The following HIC2 variants were observed in gnomAD, a reference collection of about 807,000 sequenced individuals.
HIC2 encodes HIC ZBTB transcriptional repressor 2.
A neutral mutation model predicts 39.5 loss-of-function variants in HIC2; 2 were observed. That is an observed-to-expected ratio of 0.05 (90% confidence interval 0.02 to 0.16). HIC2 has a LOEUF of 0.16. Among genes scored for constraint, HIC2 ranks in the 10% least tolerant of loss-of-function variants. The probability of loss-of-function intolerance (pLI) is 1.00; values close to 1 mark genes in which losing one functional copy is unlikely to be tolerated. For synonymous variants in HIC2, 399 were observed against 368.8 expected (o/e 1.08, Z -0.94); for missense variants, 713 against 863.5 (o/e 0.83, Z 2.18).
Position 21,447,041 on chromosome 22 carries a change from C to T in HIC2, c.*298C>T, listed in dbSNP as rs1476693390. ...TGGGTCACGTGGGTCTCGCTGGGACCTGGTCCCTTTGTTGCAGGCGGCTTG... is the reference window on the plus strand; with the variant it reads ...TGGGTCACGTGGGTCTCGCTGGGACTTGGTCCCTTTGTTGCAGGCGGCTTG... On this transcript the variant is annotated 3_prime_UTR_variant, in exon 3 of 3. Coordinates refer to ENST00000407464, the MANE Select transcript of HIC2 (RefSeq NM_015094.3). 10 of 412,710 alleles carry T rather than the reference C, an allele frequency of 2.4e-5. No homozygotes were observed. The East Asian group carries it at 3.7e-4, about 15-fold the overall frequency. 25.6% of individuals were successfully genotyped at this position (412,710 alleles called of 1,614,324 possible). A position where few individuals can be genotyped will look rare whatever the true frequency, so the allele number is the denominator to read the frequency against.
intron 2 of HIC2, among the ~76,000 whole-genome samples, chr22:21,443,866 C>T (rs1923654830): frequency 6.6e-6 from 1 of 152,164 alleles, no homozygotes; most frequent in Non-Finnish European, 1.5e-5. Context: ...ATTCTTTATA[C>T]CGCCGGCCAC....
chr22:21,444,854 C>A (rs62237326), intron 2 of HIC2, 68 bp from the exon 3 acceptor site: 1 of 1,537,498 alleles, frequency 6.5e-7, no homozygotes, highest in Non-Finnish European at 8.8e-7. Flanking sequence ...TCGAGCCCCA[C>A]CCTGCCCCAG....
Position 21,445,835 on chromosome 22 carries a change from A to G in HIC2, c.940A>G (p.Asn314Asp), listed in dbSNP as rs771268354. Residue 314 changes from asparagine (N) to aspartate (D), a missense_variant, in exon 3 of 3, where the codon AAC becomes GAC. Around this residue, in one of 5 missense-constraint regions of HIC2, gnomAD observed 457 missense variants for 420.2 expected, o/e 1.09. Coordinates refer to ENST00000407464, the MANE Select transcript of HIC2 (RefSeq NM_015094.3). ...CATGGATCTGGAGGGGGCCGAGGAC[A>G]ACCACCTGAGCCTGCTGGAGGCGCC... ...EPMDLEGAEDNHLSLLEAPGG... is the reference protein window; with the variant it reads ...EPMDLEGAEDDHLSLLEAPGG... 1.3e-6 allele frequency: 2 copies of G among 1,587,090 alleles called. No homozygotes were observed. Among genetic ancestry groups the G allele is most frequent in the East Asian group, 2.3e-5 (1 of 44,396 alleles).
intron 1 of HIC2, among the ~76,000 whole-genome samples, chr22:21,426,491 G>C (rs1923260452): frequency 6.7e-6 from 1 of 149,944 alleles, no homozygotes; most frequent in African/African-American, 2.4e-5. Flanking sequence ...TTTTTTTTTT[G>C]AGATGGAGTC....
Position 21,446,888 on chromosome 22 carries a change from A to G in HIC2, c.*145A>G, listed in dbSNP as rs1405120410. On this transcript the variant is annotated 3_prime_UTR_variant, in exon 3 of 3. Coordinates refer to ENST00000407464, the MANE Select transcript of HIC2 (RefSeq NM_015094.3). ...CCTCTGGCCCCCACTGCCCACACCC[A>G]GAGCTTTAATGGACAGTCCGTACCA... 8.7e-7 allele frequency: 1 copy of G among 1,153,304 alleles called. No homozygotes were observed. Among genetic ancestry groups the G allele is most frequent in the Non-Finnish European group, 1.2e-6 (1 of 840,560 alleles). 71.4% of individuals were successfully genotyped at this position (1,153,304 alleles called of 1,614,324 possible). A position where few individuals can be genotyped will look rare whatever the true frequency, so the allele number is the denominator to read the frequency against.
At position 21,445,382 on chromosome 22, in the gene HIC2, C is replaced by G. The variant is rs763811851; in HGVS notation, c.487C>G (p.Gln163Glu). ...STGMGRPPRS[Q>E]RLSTASVIQA... ...TGGCATGGGGCGGCCCCCCCGCAGCCAGCGGCTGTCCACGGCCTCTGTCAT... is the reference window on the plus strand; with the variant it reads ...TGGCATGGGGCGGCCCCCCCGCAGCGAGCGGCTGTCCACGGCCTCTGTCAT... Residue 163 changes from glutamine to glutamate, a missense_variant, in exon 3 of 3, where the codon CAG (glutamine) becomes GAG (glutamate). By Grantham distance (29) the Gln-to-Glu change is conservative. Around this residue, in one of 5 missense-constraint regions of HIC2, gnomAD observed 457 missense variants for 420.2 expected, o/e 1.09. Transcript: ENST00000407464. 2 of 1,550,394 alleles carry G rather than the reference C, an allele frequency of 1.3e-6. No individual in the cohort carries two copies. The highest frequency in any genetic ancestry group is 1.7e-6 in the Non-Finnish European group (2 of 1,149,906).
Position 21,445,133 on chromosome 22 carries a change from C to T in HIC2, c.238C>T (p.Leu80Phe). 6.2e-7 allele frequency: 1 copy of T among 1,614,232 alleles called. No homozygotes were observed. The stretch of plus-strand genomic sequence containing the variant: ...CAAGTCCCTGGTCCTGCACGACAAC[C>T]TCATCAACCTGGACACAGACATGGT... ...YFKSLVLHDN[L>F]INLDTDMVSS... Residue 80 changes from leucine to phenylalanine, a missense_variant, in exon 3 of 3, where the codon CTC (leucine) becomes TTC (phenylalanine). Leu to Phe is a conservative substitution (Grantham distance 22, BLOSUM62 0). Coordinates refer to ENST00000407464, the MANE Select transcript of HIC2 (RefSeq NM_015094.3).
chr22:21,442,206 T>C (rs2148339044), intron 1 of HIC2, among the ~76,000 whole-genome samples: 1 of 82,472 alleles, frequency 1.2e-5, no homozygotes, highest in Middle Eastern at 4.3e-3. Context: ...GCAGCTTGGG[T>C]GAGCCCTTAG....
At position 21,445,466 on chromosome 22, in the gene HIC2, C is replaced by T. The variant is rs754428836; in HGVS notation, c.571C>T (p.Leu191Phe). Residue 191 changes from leucine (L) to phenylalanine (F), a missense_variant, in exon 3 of 3, where the codon CTC (leucine) becomes TTC (phenylalanine). Coordinates refer to ENST00000407464, the MANE Select transcript of HIC2 (RefSeq NM_015094.3). ...CAAGGGGGCCCACGCCCCCCAGGAG[C>T]TCCCCCAAGCCAAAGGCTCAGACGA... is the stretch of plus-strand genomic sequence containing the variant. ...GRKGAHAPQELPQAKGSDDEL... is the reference protein window; with the variant it reads ...GRKGAHAPQEFPQAKGSDDEL... 7 of 1,547,058 alleles carry T rather than the reference C, an allele frequency of 4.5e-6. No individual in the cohort carries two copies. Among genetic ancestry groups the T allele is most frequent in the African/African-American group, 1.4e-5 (1 of 72,254 alleles).
chr22:21,425,565 G>A (rs1415616583), intron 1 of HIC2, among the ~76,000 whole-genome samples: 9 of 48,576 alleles, frequency 1.9e-4, no homozygotes, highest in East Asian at 3.6e-4. Flanking sequence ...TTTTTGAGAC[G>A]GAGTCTTGCC....
At chr22:21,422,007 G>C (rs1923090947) in intron 1 of HIC2, among the ~76,000 whole-genome samples, 1 of 10,852 alleles carries the variant, frequency 9.2e-5, no homozygotes, top group East Asian at 1.4e-3. Flanking sequence ...TCTGACAAGT[G>C]TGGGAAGGGG....
Position 21,445,570 on chromosome 22 carries a change from G to A in HIC2, c.675G>A (p.Ala225=), listed in dbSNP as rs542963583. The A allele has an allele frequency of 3.5e-5, 55 of 1,589,550 alleles. No homozygotes were observed. The highest frequency in any genetic ancestry group is 4.1e-5 in the Non-Finnish European group (48 of 1,169,826). ...CTGTCTGCCCAGCTGGCGGGGAGGC[G>A]GGTCTGGGGGGCTGCAGCAGCAGCA... is the stretch of plus-strand genomic sequence containing the variant. The part of the protein sequence containing the change: ...GRAVCPAGGE[A]GLGGCSSSTN... Residue 225 remains alanine, a synonymous_variant, in exon 3 of 3, where the codon GCG becomes GCA. Coordinates refer to ENST00000407464, the MANE Select transcript of HIC2 (RefSeq NM_015094.3).
chr22:21,449,410 TAAAC>T lies in HIC2; in HGVS notation c.*2671_*2674del, dbSNP rs1924040952. ...CAGATATCATGTAGGAAAGAGAGGA[TAAAC>T]AAAGAAAAAAGAAAAAAAAATAAGC... On this transcript the variant is annotated 3_prime_UTR_variant, in exon 3 of 3. Coordinates refer to ENST00000407464, the MANE Select transcript of HIC2 (RefSeq NM_015094.3). The T allele has an allele frequency of 6.6e-6, 1 of 151,896 alleles. No individual in the cohort carries two copies. The highest frequency in any genetic ancestry group is 2.4e-5 in the African/African-American group (1 of 41,100). The allele number at this position is 151,896 out of a possible 1,614,324, so 9.4% of individuals were successfully genotyped here.
chr22:21,446,878 GC>G lies in HIC2; in HGVS notation c.*138del. The stretch of plus-strand genomic sequence containing the variant: ...CCGGGTGGCCCCTCTGGCCCCCACT[GC>G]CCACACCCAGAGCTTTAATGGACAG... On this transcript the variant is annotated 3_prime_UTR_variant, in exon 3 of 3. Coordinates refer to ENST00000407464, the MANE Select transcript of HIC2 (RefSeq NM_015094.3). The G allele has an allele frequency of 8.2e-7, 1 of 1,212,484 alleles. No homozygotes were observed. Among genetic ancestry groups the G allele is most frequent in the Non-Finnish European group, 1.1e-6 (1 of 892,970 alleles). 75.1% of individuals were successfully genotyped at this position (1,212,484 alleles called of 1,614,324 possible). A position where few individuals can be genotyped will look rare whatever the true frequency, so the allele number is the denominator to read the frequency against.
At chr22:21,444,436 C>G (rs139775238) in intron 2 of HIC2, among the ~76,000 whole-genome samples, 1 of 152,178 alleles carries the variant, frequency 6.6e-6, no homozygotes, top group African/African-American at 2.4e-5. Flanking sequence ...TGGGCCCTGC[C>G]GTATTTCAAA....
chr22:21,444,278 C>T (rs1208923820), intron 2 of HIC2, among the ~76,000 whole-genome samples: 1 of 152,216 alleles, frequency 6.6e-6, no homozygotes, highest in Non-Finnish European at 1.5e-5. Context: ...GCTACCTTTC[C>T]TCCTTGGCAG....
In HIC2 at chr22:21,445,226, C is replaced by T. The variant is rs1440836432; in HGVS notation, c.331C>T (p.Pro111Ser). The change falls in exon 3 of 3, where the codon CCA becomes TCA. Residue 111 changes from proline (P) to serine (S), a missense_variant. Physicochemically the swap from Pro to Ser is moderately conservative, Grantham distance 74. Coordinates refer to ENST00000407464, the MANE Select transcript of HIC2 (RefSeq NM_015094.3). The stretch of plus-strand genomic sequence containing the variant: ...AGGCAAGCTGCTGCCCAGCGACCAG[C>T]CAGCCGAGCCCAACTTCAGCACCCT... ...YTGKLLPSDQ[P>S]AEPNFSTLLT... The T allele has an allele frequency of 6.2e-7, 1 of 1,613,642 alleles. No homozygotes were observed. The highest frequency in any genetic ancestry group is 8.5e-7 in the Non-Finnish European group (1 of 1,180,022).
At chr22:21,426,301 A>G (rs1601324882) in intron 1 of HIC2, among the ~76,000 whole-genome samples, 4 of 136,064 alleles carry the variant, frequency 2.9e-5, no homozygotes, top group African/African-American at 1.1e-4. Context: ...CCTCCCGAGT[A>G]GTTAGGACCA....
At position 21,445,072 on chromosome 22, in the gene HIC2, C is replaced by T; in HGVS notation, c.177C>T (p.Ala59=). The change falls in exon 3 of 3, where the codon GCC becomes GCT. Residue 59 remains alanine (A), a synonymous_variant. Transcript: ENST00000407464. ...IIMVENSIFR[A]HKNVLAASSI... is the part of the protein sequence containing the mutation. ...TGGTGGAGAACTCCATCTTCCGGGCCCACAAGAACGTCCTAGCCGCCAGCA... is the reference window on the plus strand; with the variant it reads ...TGGTGGAGAACTCCATCTTCCGGGCTCACAAGAACGTCCTAGCCGCCAGCA... 1 of 1,614,208 alleles carries T rather than the reference C, an allele frequency of 6.2e-7. No individual in the cohort carries two copies. Among genetic ancestry groups the T allele is most frequent in the Non-Finnish European group, 8.5e-7 (1 of 1,180,036 alleles).
Sources: allele counts gnomAD v4.1 joint callset (sites outside exome capture counted in the v4.1 genomes callset), GRCh38; gene constraint gnomAD v4.1.1; regional missense constraint gnomAD v4.1.1; transcripts MANE v1.5; gene names NCBI Gene and HGNC (gene_info 2026-07-23, HGNC 2026-07-21).